Variants in PXK observed in about 807,000 individuals in gnomAD.
PXK encodes PX domain-containing protein kinase-like protein.
Under a neutral mutation model 84.7 loss-of-function variants are expected in PXK, and 35 were observed. The ratio of observed to expected loss-of-function variants is 0.41; its 90% CI spans 0.32 to 0.55. PXK has a LOEUF of 0.55. Ranked by LOEUF, PXK falls within the 20% of genes least tolerant of loss-of-function variation. The probability of loss-of-function intolerance (pLI) is 0.21; values close to 1 mark genes in which losing one functional copy is unlikely to be tolerated. For missense variants in PXK, 634 were observed against 699.7 expected, an observed-to-expected ratio of 0.91 and a Z score of 1.06; for synonymous variants, 253 against 260.8, an observed-to-expected ratio of 0.97 and a Z score of 0.29.
At chr3:58,362,629 C>T (rs764541983) in intron 1 of PXK, among the ~76,000 whole-genome samples, 2 of 152,014 alleles carry the variant, frequency 1.3e-5, no homozygotes, top group African/African-American at 2.4e-5. Context: ...CTTCCAGTGA[C>T]GTATATGTTT....
chr3:58,406,485 CAGGCT>C (rs1370528245), intron 13 of PXK, among the ~76,000 whole-genome samples: 2 of 148,808 alleles, frequency 1.3e-5, no homozygotes, highest in African/African-American at 5.0e-5. Flanking sequence ...TACTGTTGCC[CAGGCT>C]AGTCTTGAAC....
chr3:58,378,509 T>TG (rs2098465263), intron 3 of PXK, among the ~76,000 whole-genome samples: 2 of 43,538 alleles, frequency 4.6e-5, no homozygotes, highest in African/African-American at 1.4e-4. Flanking sequence ...TTTTTTTTTT[T>TG]TTTTGTGTGT....
intron 8 of PXK, 50 bp from the exon 9 acceptor site, chr3:58,395,608 A>G (rs1018766192): frequency 5.7e-6 from 8 of 1,412,640 alleles, no homozygotes; most frequent in Non-Finnish European, 8.0e-6. Flanking sequence ...CTGTGTGCAG[A>G]TATTGGCCCC....
In PXK at chr3:58,403,891, C is replaced by A; in HGVS notation, c.1211C>A (p.Ser404Tyr). The A allele has an allele frequency of 6.5e-7, 1 of 1,541,598 alleles. No individual in the cohort carries two copies. Among genetic ancestry groups the A allele is most frequent in the South Asian group, 1.3e-5 (1 of 77,664 alleles). ...PLFSDVLLTT[S>Y]EKPQFKIPTK... Reference sequence around the variant, plus strand: ...TTCAGCGATGTTTTACTAACCACTTCTGAAAAACCACAGTTTAAGGTAAAG... The same window carrying A: ...TTCAGCGATGTTTTACTAACCACTTATGAAAAACCACAGTTTAAGGTAAAG... Residue 404 changes from serine (S) to tyrosine (Y), a missense_variant, in exon 13 of 18, where the codon TCT (serine) becomes TAT (tyrosine). Around this residue, in one of 3 missense-constraint regions of PXK, gnomAD observed 273 missense variants for 283.6 expected, o/e 0.96. Transcript: ENST00000356151.
intron 17 of PXK, chr3:58,423,004 G>A: frequency 5.1e-6 from 5 of 985,366 alleles, no homozygotes; most frequent in Non-Finnish European, 6.0e-6. Context: ...GCTATTGGGT[G>A]GGAGGGTGCT....
intron 4 of PXK, among the ~76,000 whole-genome samples, chr3:58,388,106 G>T (rs2098579009): frequency 6.6e-6 from 1 of 152,326 alleles, no homozygotes; most frequent in Non-Finnish European, 1.5e-5. Flanking sequence ...CCCGAGTCTG[G>T]GGAAGGAGGG....
intron 3 of PXK, among the ~76,000 whole-genome samples, chr3:58,374,997 G>A (rs1428709076): frequency 2.0e-5 from 3 of 151,928 alleles, no homozygotes; most frequent in African/African-American, 2.4e-5. Context: ...TTCACCTGAC[G>A]GTTTGAAAGA....
intron 17 of PXK, among the ~76,000 whole-genome samples, chr3:58,415,078 A>G (rs1560131793): frequency 6.6e-6 from 1 of 152,164 alleles, no homozygotes; most frequent in Non-Finnish European, 1.5e-5. Flanking sequence ...CTCACACTCA[A>G]AAGTATTTTT....
intron 3 of PXK, among the ~76,000 whole-genome samples, chr3:58,380,115 C>T (rs541303687): frequency 6.6e-6 from 1 of 152,074 alleles, no homozygotes; most frequent in South Asian, 2.1e-4. Context: ...CCTAACAATA[C>T]AATAAAAGGC....
rs2059602216 is a variant in PXK, at chr3:58,407,700, G to A, written c.1231-1224G>A. 2.6e-5 allele frequency among the ~76,000 whole-genome samples: 4 copies of A among 151,882 alleles called. No homozygotes were observed. The highest frequency in any genetic ancestry group is 2.6e-4 in the Admixed American group (4 of 15,250). On this transcript the variant is annotated intron_variant, in intron 13 of 17. Transcript: ENST00000356151. This position sits in a 1 kb window ranked among gnomAD's most constrained non-coding sequence, Gnocchi z 4.3. Reference sequence around the variant, plus strand: ...CCTCAGCCTCCCAAGTAGATTACAGGCGTGCACCACCACACCTGGCTAATT... The same window carrying A: ...CCTCAGCCTCCCAAGTAGATTACAGACGTGCACCACCACACCTGGCTAATT...
Position 58,383,005 on chromosome 3 carries a change from C to T in PXK, c.388+305C>T, listed in dbSNP as rs189504036. On this transcript the variant is annotated intron_variant, in intron 4 of 17. Coordinates refer to ENST00000356151, the MANE Select transcript of PXK (RefSeq NM_017771.5). This position sits in a 1 kb window ranked among gnomAD's most constrained non-coding sequence, Gnocchi z 4.0. ...GACAGAACAGAGAGTAAGTAATCTACAATAGGCCAGACGCGGTGGCTCATG... is the reference window on the plus strand; with the variant it reads ...GACAGAACAGAGAGTAAGTAATCTATAATAGGCCAGACGCGGTGGCTCATG... 6.6e-6 allele frequency among the ~76,000 whole-genome samples: 1 copy of T among 152,280 alleles called. No homozygotes were observed. The highest frequency in any genetic ancestry group is 1.5e-5 in the Non-Finnish European group (1 of 68,024).
At chr3:58,404,821 G>C (rs2059148534) in intron 13 of PXK, among the ~76,000 whole-genome samples, 1 of 152,220 alleles carries the variant, frequency 6.6e-6, no homozygotes, top group Non-Finnish European at 1.5e-5. Context: ...AGAAAACCAA[G>C]GGAGGGTTTA....
intron 4 of PXK, among the ~76,000 whole-genome samples, chr3:58,386,030 G>A (rs906899682): frequency 3.3e-5 from 5 of 152,102 alleles, no homozygotes; most frequent in Non-Finnish European, 7.4e-5. Flanking sequence ...GGAGCTCTCA[G>A]GACATTGGCA....
chr3:58,413,366 A>T (rs2060492792), intron 17 of PXK: 1 of 213,310 alleles, frequency 4.7e-6, no homozygotes, highest in Non-Finnish European at 9.5e-6. Context: ...TTTGTCACAG[A>T]GCACAACTGG....
Position 58,399,334 on chromosome 3 carries a change from T to A in PXK, c.1138T>A (p.Cys380Ser). Reference protein sequence around the residue: ...VLESTLSCEACKNGMPTISRL... With the variant: ...VLESTLSCEASKNGMPTISRL... ...GGAGTCTACGCTGTCTTGTGAAGCCTGTAAAAATGGCATGCCTACCATCTC... is the reference window on the plus strand; with the variant it reads ...GGAGTCTACGCTGTCTTGTGAAGCCAGTAAAAATGGCATGCCTACCATCTC... The change falls in exon 12 of 18, where the codon TGT (cysteine) becomes AGT (serine). Residue 380 changes from cysteine to serine, a missense_variant. By Grantham distance (112) the Cys-to-Ser change is moderately radical. This residue lies in a region of PXK where 273 missense variants were observed against 283.6 expected (regional missense o/e 0.96). Transcript: ENST00000356151. This position sits in a 1 kb window ranked among gnomAD's most constrained non-coding sequence, Gnocchi z 4.3. 6.2e-7 allele frequency: 1 copy of A among 1,614,174 alleles called. No homozygotes were observed. Among genetic ancestry groups the A allele is most frequent in the Non-Finnish European group, 8.5e-7 (1 of 1,180,000 alleles).
intron 3 of PXK, among the ~76,000 whole-genome samples, chr3:58,374,442 G>A (rs1375713827): frequency 6.6e-6 from 1 of 152,118 alleles, no homozygotes; most frequent in African/African-American, 2.4e-5. Flanking sequence ...CCAAAATGCT[G>A]GGACTACAGG....
At chr3:58,334,797 A>G (rs1245135669) in intron 1 of PXK, among the ~76,000 whole-genome samples, 1 of 152,234 alleles carries the variant, frequency 6.6e-6, no homozygotes, top group Non-Finnish European at 1.5e-5. Context: ...TAAATAATCC[A>G]ACTTCAACCT....
intron 7 of PXK, among the ~76,000 whole-genome samples, chr3:58,394,791 C>G (rs1186197294): frequency 6.6e-6 from 1 of 152,208 alleles, no homozygotes; most frequent in Non-Finnish European, 1.5e-5. Context: ...TTTGTTCCTA[C>G]AGTTTATGTC....
At position 58,333,780 on chromosome 3, in the gene PXK, T is replaced by G. The variant is rs968580908; in HGVS notation, c.102+690T>G. Among the ~76,000 whole-genome samples, 3 of 152,196 alleles carry G rather than the reference T, an allele frequency of 2.0e-5. No individual in the cohort carries two copies. ...CCACTCGAGTAGCATAAAGGAGTAA[T>G]AGGTCCTCATAGTAAACATTGGCAG... On this transcript the variant is annotated intron_variant, in intron 1 of 17. Transcript: ENST00000356151. This position sits in a 1 kb window ranked among gnomAD's most constrained non-coding sequence, Gnocchi z 5.4.
Sources: allele counts gnomAD v4.1 joint callset (sites outside exome capture counted in the v4.1 genomes callset), GRCh38; gene constraint gnomAD v4.1.1; regional missense constraint gnomAD v4.1.1; non-coding constraint Gnocchi (gnomAD v3.1); transcripts MANE v1.5; gene names NCBI Gene and HGNC (gene_info 2026-07-23, HGNC 2026-07-21).